The following CCDC148 variants were observed in gnomAD, a reference collection of about 807,000 sequenced individuals.
The protein encoded by CCDC148 is coiled-coil domain-containing protein 148.
CCDC148 carries 89 observed loss-of-function variants against 85.7 expected under a neutral mutation model. That is an observed-to-expected ratio of 1.04 (90% CI 0.87 to 1.24). The LOEUF (loss-of-function observed/expected upper bound fraction) is 1.24, where lower values mean the gene tolerates loss of function less well. Ranked by LOEUF, CCDC148 falls within the 50% of genes most tolerant of loss-of-function variation. CCDC148 has a pLI of 0.00. For missense variants in CCDC148, 692 were observed against 671.7 expected (o/e 1.03, Z -0.33); for synonymous variants, 230 against 213.9 (o/e 1.08, Z -0.66).
intron 1 of CCDC148, among the ~76,000 whole-genome samples, chr2:158,359,154 C>G (rs1260025694): frequency 6.6e-6 from 1 of 152,072 alleles, no homozygotes. Context: ...ATATGAAAAC[C>G]ATAACATAAA....
intron 1 of CCDC148, among the ~76,000 whole-genome samples, chr2:158,430,136 C>T (rs184255664): frequency 4.6e-5 from 7 of 152,224 alleles, no homozygotes; most frequent in African/African-American, 7.2e-5. Context: ...AGCAGTTATT[C>T]GAGTTCACAC....
intron 1 of CCDC148, among the ~76,000 whole-genome samples, chr2:158,406,628 T>TTTTGTTTTTGTTTTTG (rs1686027863): frequency 2.5e-5 from 3 of 119,010 alleles, no homozygotes; most frequent in African/African-American, 9.2e-5. Flanking sequence ...TTTTTTTTTT[T>TTTTGTTTTTGTTTTTG]TTTTTTTTTT....
chr2:158,306,258 C>T (rs940260018), intron 9 of CCDC148, among the ~76,000 whole-genome samples: 2 of 152,132 alleles, frequency 1.3e-5, no homozygotes, highest in African/African-American at 2.4e-5. Flanking sequence ...TGCGGTGGCT[C>T]ATGCCTATAA....
intron 9 of CCDC148, among the ~76,000 whole-genome samples, chr2:158,270,655 C>T (rs370209463): frequency 3.3e-5 from 5 of 152,136 alleles, no homozygotes; most frequent in Non-Finnish European, 7.3e-5. Context: ...TTAGCAAGCA[C>T]GAGAAAGCTA....
intron 7 of CCDC148, among the ~76,000 whole-genome samples, chr2:158,337,430 G>A (rs945795802): frequency 2.6e-5 from 4 of 152,172 alleles, no homozygotes; most frequent in African/African-American, 4.8e-5. Context: ...TAACAAGATT[G>A]GGATGGGGAG....
At chr2:158,371,456 C>G (rs550084291) in intron 1 of CCDC148, among the ~76,000 whole-genome samples, 1 of 152,102 alleles carries the variant, frequency 6.6e-6, no homozygotes, top group South Asian at 2.1e-4. Flanking sequence ...CTACTTGCCT[C>G]TAACAGAAGA....
chr2:158,242,013 A>G (rs1688371006), intron 10 of CCDC148, among the ~76,000 whole-genome samples: 1 of 152,178 alleles, frequency 6.6e-6, no homozygotes, highest in African/African-American at 2.4e-5. Flanking sequence ...CTAATGAGTC[A>G]AAGATTCTTT....
intron 1 of CCDC148, among the ~76,000 whole-genome samples, chr2:158,396,402 G>T (rs1290490994): frequency 6.6e-6 from 1 of 152,024 alleles, no homozygotes; most frequent in Non-Finnish European, 1.5e-5. Context: ...GAGGAAGAAT[G>T]TCAGTTGCCA....
At chr2:158,212,717 C>G (rs1180548720) in intron 11 of CCDC148, among the ~76,000 whole-genome samples, 4 of 152,132 alleles carry the variant, frequency 2.6e-5, no homozygotes, top group Admixed American at 6.6e-5. Context: ...GCAACGTTTT[C>G]TCCACTAAAC....
chr2:158,223,869 A>G (rs1056500461), intron 10 of CCDC148, among the ~76,000 whole-genome samples: 26 of 152,220 alleles, frequency 1.7e-4, no homozygotes, highest in Admixed American at 2.6e-4. Flanking sequence ...AAAGATGGGG[A>G]AAAAACAGAG....
At chr2:158,302,806 G>T (rs1207270770) in intron 9 of CCDC148, among the ~76,000 whole-genome samples, 2 of 151,924 alleles carry the variant, frequency 1.3e-5, no homozygotes, top group Non-Finnish European at 2.9e-5. Flanking sequence ...ATTATGAGAT[G>T]GCTCTGGGGA....
At chr2:158,220,937 T>C (rs1223666947) in intron 10 of CCDC148, among the ~76,000 whole-genome samples, 1 of 152,154 alleles carries the variant, frequency 6.6e-6, no homozygotes. Context: ...ATTTCTGCAA[T>C]GAATGGAAAT....
intron 2 of CCDC148, among the ~76,000 whole-genome samples, chr2:158,355,297 T>TC (rs1419441390): frequency 2.6e-5 from 4 of 152,176 alleles, no homozygotes; most frequent in African/African-American, 9.6e-5. Flanking sequence ...TTGTCCCTGT[T>TC]TGCAGACGAC....
chr2:158,417,791 T>A (rs955558427), intron 1 of CCDC148, among the ~76,000 whole-genome samples: 17 of 152,154 alleles, frequency 1.1e-4, no homozygotes, highest in African/African-American at 4.1e-4. Context: ...ATTGTGCATT[T>A]TTTCAAAGGA....
At position 158,172,239 on chromosome 2, in the gene CCDC148, AAGTCT is replaced by A; in HGVS notation, c.1645_1649del (p.Arg549SerfsTer13). 6.2e-7 allele frequency: 1 copy of A among 1,605,892 alleles called. No individual in the cohort carries two copies. The highest frequency in any genetic ancestry group is 8.5e-7 in the Non-Finnish European group (1 of 1,175,998). On this transcript the variant is annotated frameshift_variant, in exon 14 of 14. Coordinates refer to ENST00000283233, the MANE Select transcript of CCDC148 (RefSeq NM_138803.4). LOFTEE classifies it high-confidence loss of function. ...CTTCTCGAAGTGCTAACTCGAAGCG[AAGTCT>A]AGGGTCAGAAATTATCTGTAGAAAT...
At chr2:158,286,877 T>A (rs1690652279) in intron 9 of CCDC148, among the ~76,000 whole-genome samples, 1 of 152,162 alleles carries the variant, frequency 6.6e-6, no homozygotes, top group African/African-American at 2.4e-5. Flanking sequence ...ATAAAGCCTT[T>A]AGAAGATTAA....
At chr2:158,428,774 T>C (rs958850286) in intron 1 of CCDC148, among the ~76,000 whole-genome samples, 1 of 151,992 alleles carries the variant, frequency 6.6e-6, no homozygotes, top group African/African-American at 2.4e-5. Flanking sequence ...GACCCAGGCT[T>C]CCCATTACTG....
intron 9 of CCDC148, among the ~76,000 whole-genome samples, chr2:158,291,087 C>T (rs971287752): frequency 9.2e-5 from 14 of 151,960 alleles, no homozygotes; most frequent in African/African-American, 2.9e-4. Flanking sequence ...CTGCCCCTAA[C>T]GTTCCCAGCT....
intron 1 of CCDC148, among the ~76,000 whole-genome samples, chr2:158,434,986 C>A (rs926862749): frequency 3.3e-5 from 5 of 152,064 alleles, no homozygotes; most frequent in Admixed American, 2.0e-4. Context: ...GTGAAAAGAC[C>A]AAATCTATGT....
Sources: gnomAD v4.1 joint callset for allele counts (sites outside exome capture counted in the v4.1 genomes callset) on GRCh38, gnomAD v4.1.1 for gene constraint, MANE v1.5 for transcripts, NCBI Gene and HGNC (gene_info 2026-07-23, HGNC 2026-07-21) for gene names.